MGAT5: variants seen among roughly 807,000 people sequenced by gnomAD.
The protein encoded by MGAT5 is alpha-1,6-mannosylglycoprotein 6-beta-N-acetylglucosaminyltransferase A.
A neutral mutation model predicts 94.3 loss-of-function variants in MGAT5; 30 were observed. That is an observed-to-expected ratio of 0.32 (90% CI 0.24 to 0.43). MGAT5 has a LOEUF of 0.43. Ranked by LOEUF, MGAT5 falls within the 20% of genes least tolerant of loss-of-function variation. MGAT5 has a pLI of 1.00. For missense variants in MGAT5, 691 were observed against 905.5 expected (o/e 0.76, Z 3.04); for synonymous variants, 310 against 322.9 (o/e 0.96, Z 0.43).
At chr2:134,312,963 G>T (rs1371616968) in intron 2 of MGAT5, among the ~76,000 whole-genome samples, 1 of 151,094 alleles carries the variant, frequency 6.6e-6, no homozygotes, top group Non-Finnish European at 1.5e-5. Flanking sequence ...CTTTGAGACC[G>T]CCGTACCAAC....
At chr2:134,267,419 G>A (rs371952122) in intron 1 of MGAT5, among the ~76,000 whole-genome samples, 5 of 152,328 alleles carry the variant, frequency 3.3e-5, no homozygotes, top group South Asian at 2.1e-4. Context: ...TCAGCACACT[G>A]CCTGGCATAT....
intron 4 of MGAT5, chr2:134,319,874 C>A (rs922514170): frequency 1.6e-5 from 4 of 252,164 alleles, no homozygotes; most frequent in African/African-American, 7.0e-5. Flanking sequence ...AATTTGGTAA[C>A]CTGAGATTTA....
intron 9 of MGAT5, among the ~76,000 whole-genome samples, chr2:134,357,329 G>A (rs1362644414): frequency 1.3e-5 from 2 of 152,176 alleles, no homozygotes; most frequent in Non-Finnish European, 2.9e-5. Flanking sequence ...ATGATTGTCA[G>A]TATCATTGAT....
At chr2:134,193,404 A>T (rs1178070910) in intron 1 of MGAT5, among the ~76,000 whole-genome samples, 1 of 152,140 alleles carries the variant, frequency 6.6e-6, no homozygotes, top group Non-Finnish European at 1.5e-5. Flanking sequence ...GACATGTACC[A>T]CATCCAGCTG....
intron 2 of MGAT5, among the ~76,000 whole-genome samples, chr2:134,292,702 A>G (rs771813960): frequency 2.0e-5 from 3 of 152,068 alleles, no homozygotes; most frequent in African/African-American, 7.2e-5. Context: ...TCCTGTTAGG[A>G]TCTACCTTCA....
At chr2:134,237,148 T>TGTGTGTGTGTGCGCGC (rs374914892) in intron 1 of MGAT5, among the ~76,000 whole-genome samples, 83 of 140,832 alleles carry the variant, frequency 5.9e-4, no homozygotes, top group African/African-American at 1.8e-3. Context: ...TGTGTGTGTG[T>TGTGTGTGTGTGCGCGC]GCGCGTGTGT....
intron 2 of MGAT5, among the ~76,000 whole-genome samples, chr2:134,294,479 C>T (rs1297571314): frequency 6.6e-6 from 1 of 152,064 alleles, no homozygotes; most frequent in Admixed American, 6.6e-5. Context: ...CAGGTATATA[C>T]CACTGCAGGT....
intron 1 of MGAT5, among the ~76,000 whole-genome samples, chr2:134,204,205 C>T (rs1359260033): frequency 2.0e-5 from 3 of 152,208 alleles, no homozygotes; most frequent in Admixed American, 2.0e-4. Flanking sequence ...TAGGGTTTGA[C>T]AGCTCTCCCA....
intron 9 of MGAT5, 32 bp from the exon 10 acceptor site, chr2:134,362,243 C>G: frequency 6.2e-7 from 1 of 1,606,354 alleles, no homozygotes; most frequent in Non-Finnish European, 8.5e-7. Context: ...TGATTGGACA[C>G]TAACTGTCCT....
intron 1 of MGAT5, among the ~76,000 whole-genome samples, chr2:134,120,685 G>T (rs1452873530): frequency 6.6e-6 from 1 of 151,890 alleles, no homozygotes; most frequent in African/African-American, 2.4e-5. Flanking sequence ...CGCTCGGACC[G>T]CGGAGGAGCC....
At chr2:134,125,846 C>T (rs1415492665) in intron 1 of MGAT5, among the ~76,000 whole-genome samples, 2 of 152,144 alleles carry the variant, frequency 1.3e-5, no homozygotes, top group African/African-American at 4.8e-5. Context: ...TCTCATGTCA[C>T]CTTTTAAGTT....
At chr2:134,123,454 C>T (rs182662315) in intron 1 of MGAT5, among the ~76,000 whole-genome samples, 1 of 152,334 alleles carries the variant, frequency 6.6e-6, no homozygotes, top group Admixed American at 6.5e-5. Flanking sequence ...TATGTCCTCT[C>T]CTTCCCAGGG....
At chr2:134,435,129 G>A (rs947413547) in intron 14 of MGAT5, among the ~76,000 whole-genome samples, 1 of 152,036 alleles carries the variant, frequency 6.6e-6, no homozygotes, top group Non-Finnish European at 1.5e-5. Context: ...TGCAGATCCC[G>A]TCACCCCTCT....
chr2:134,161,141 AAGCCCTTGTGAAGGAC>A (rs1340656729), intron 1 of MGAT5, among the ~76,000 whole-genome samples: 7 of 152,184 alleles, frequency 4.6e-5, no homozygotes, highest in Non-Finnish European at 8.8e-5. Flanking sequence ...CAGGATATAT[AAGCCCTTGTGAAGGAC>A]AGACGTTGTC....
intron 11 of MGAT5, among the ~76,000 whole-genome samples, chr2:134,406,820 A>C (rs1038544962): frequency 6.6e-6 from 1 of 152,074 alleles, no homozygotes; most frequent in Non-Finnish European, 1.5e-5. Flanking sequence ...ACTTGAGTCC[A>C]GAAGGCTGAG....
At chr2:134,421,852 G>A (rs1684314125) in intron 12 of MGAT5, among the ~76,000 whole-genome samples, 1 of 146,648 alleles carries the variant, frequency 6.8e-6, no homozygotes, top group South Asian at 2.1e-4. Context: ...AACAAAATCA[G>A]GGGATAAATT....
At chr2:134,363,958 G>A (rs1233621334) in intron 10 of MGAT5, among the ~76,000 whole-genome samples, 1 of 152,186 alleles carries the variant, frequency 6.6e-6, no homozygotes, top group Admixed American at 6.5e-5. Flanking sequence ...TTGGTTTTAG[G>A]AGGACTGTGG....
intron 4 of MGAT5, among the ~76,000 whole-genome samples, chr2:134,322,759 C>G (rs1010914261): frequency 2.6e-5 from 4 of 152,116 alleles, no homozygotes; most frequent in South Asian, 4.1e-4. Flanking sequence ...TTTAAGTTAA[C>G]TCTGAAACCT....
intron 2 of MGAT5, among the ~76,000 whole-genome samples, chr2:134,308,186 G>A (rs1686443657): frequency 6.6e-6 from 1 of 152,068 alleles, no homozygotes; most frequent in Non-Finnish European, 1.5e-5. Context: ...TCATTATTAC[G>A]CTGTTCTTCA....
Sources: gnomAD v4.1 joint callset for allele counts (sites outside exome capture counted in the v4.1 genomes callset) on GRCh38, gnomAD v4.1.1 for gene constraint, MANE v1.5 for transcripts, NCBI Gene and HGNC (gene_info 2026-07-23, HGNC 2026-07-21) for gene names.